Variants in GLT1D1 observed in about 807,000 individuals in gnomAD.
GLT1D1 encodes the protein glycosyltransferase 1 domain containing 1, also known as glycosyltransferase 1 domain-containing protein 1.
A neutral mutation model predicts 28.7 loss-of-function variants in GLT1D1; 21 were observed. The ratio of observed to expected loss-of-function variants is 0.73; its 90% CI spans 0.52 to 1.05. The LOEUF is 1.05. Ranked by LOEUF, GLT1D1 falls within the 50% of genes least tolerant of loss-of-function variation. The pLI, the probability that GLT1D1 is intolerant of heterozygous loss-of-function variation, is 0.00. For synonymous variants in GLT1D1, 147 were observed against 124.8 expected (o/e 1.18, Z -1.19); for missense variants, 343 against 330.6 (o/e 1.04, Z -0.29).
chr12:128,906,621 C>T (rs921452429), intron 4 of GLT1D1, among the ~76,000 whole-genome samples: 3 of 150,990 alleles, frequency 2.0e-5, no homozygotes, highest in African/African-American at 7.3e-5. Context: ...TTATCAAATT[C>T]AAACAAAAAA....
chr12:128,869,445 T>C lies in GLT1D1; in HGVS notation c.69-6469T>C, dbSNP rs1956629735. Among the ~76,000 whole-genome samples the C allele has an allele frequency of 2.6e-5, 4 of 152,100 alleles. No homozygotes were observed. In the South Asian group the frequency reaches 8.3e-4, roughly 32 times the overall value. On this transcript the variant is annotated intron_variant, in intron 1 of 7. Transcript: ENST00000281703. ...TTGGCCTCCTAAAGTGCTGGGATTA[T>C]AGTTGTGAGTCACCATGCCCAGCCC...
At position 128,868,465 on chromosome 12, in the gene GLT1D1, C is replaced by T. The variant is rs79952271; in HGVS notation, c.69-7449C>T. On this transcript the variant is annotated intron_variant, in intron 1 of 7. Coordinates refer to ENST00000281703, the MANE Select transcript of GLT1D1 (RefSeq NM_144669.3). ...CTAGAGGCAACACCCCGCCCAAAAG[C>T]GTCACTCGTCCGTATGGAGAAGGGA... Among the ~76,000 whole-genome samples, 265 of 152,310 alleles carry T rather than the reference C, an allele frequency of 1.7e-3. 9 individuals carry two copies. In the East Asian group the frequency reaches 0.047, roughly 27 times the overall value.
intron 2 of GLT1D1, among the ~76,000 whole-genome samples, chr12:128,882,620 G>C (rs1374244087): frequency 1.3e-5 from 2 of 152,052 alleles, no homozygotes; most frequent in Non-Finnish European, 2.9e-5. Flanking sequence ...CATTCCTTAA[G>C]GTATGGACCA....
chr12:128,959,829 A>AT (rs374339666), intron 7 of GLT1D1, among the ~76,000 whole-genome samples: 36 of 149,992 alleles, frequency 2.4e-4, no homozygotes, highest in South Asian at 4.2e-4. Context: ...GTGTTCTGGG[A>AT]TTTTTTTTTT....
intron 4 of GLT1D1, among the ~76,000 whole-genome samples, chr12:128,928,257 A>G (rs1206315412): frequency 6.6e-6 from 1 of 152,058 alleles, no homozygotes; most frequent in Admixed American, 6.6e-5. Flanking sequence ...GAAAATGAGT[A>G]TCTGTAAATC....
At chr12:128,964,070 A>C (rs978334649) in intron 7 of GLT1D1, among the ~76,000 whole-genome samples, 1 of 152,192 alleles carries the variant, frequency 6.6e-6, no homozygotes, top group African/African-American at 2.4e-5. Context: ...AAGGGCCGAG[A>C]CAGCTCTCTG....
At chr12:128,882,638 T>C (rs549571717) in intron 2 of GLT1D1, among the ~76,000 whole-genome samples, 17 of 152,306 alleles carry the variant, frequency 1.1e-4, no homozygotes, top group African/African-American at 4.1e-4. Flanking sequence ...CCAATTATTA[T>C]ATGAACGTCA....
intron 1 of GLT1D1, among the ~76,000 whole-genome samples, chr12:128,867,709 C>G (rs1214228254): frequency 6.6e-6 from 1 of 152,164 alleles, no homozygotes; most frequent in Non-Finnish European, 1.5e-5. Flanking sequence ...TGGCGTTGTT[C>G]CAGATGCTCA....
intron 7 of GLT1D1, among the ~76,000 whole-genome samples, chr12:128,976,770 GT>G (rs888402919): frequency 6.6e-6 from 1 of 152,170 alleles, no homozygotes; most frequent in African/African-American, 2.4e-5. Context: ...TCGTGGAGGA[GT>G]TTTTTTCCCC....
chr12:128,887,903 G>A (rs75403352), intron 2 of GLT1D1, among the ~76,000 whole-genome samples: 1,965 of 152,110 alleles, frequency 0.013, 44 homozygotes, highest in African/African-American at 0.045. Context: ...GAGTCCTTTC[G>A]GGGAGTCGCT....
chr12:128,881,465 T>C (rs1400122291), intron 2 of GLT1D1, among the ~76,000 whole-genome samples: 1 of 131,158 alleles, frequency 7.6e-6, no homozygotes, highest in Non-Finnish European at 1.6e-5. Context: ...ACCCAGGAGG[T>C]GAACGTTGCA....
At chr12:128,974,331 C>T (rs1879554674) in intron 7 of GLT1D1, among the ~76,000 whole-genome samples, 1 of 152,150 alleles carries the variant, frequency 6.6e-6, no homozygotes, top group Admixed American at 6.5e-5. Flanking sequence ...CCTCCTACCC[C>T]AGCCACAGCA....
intron 4 of GLT1D1, chr12:128,944,808 A>C: frequency 4.4e-6 from 1 of 227,554 alleles, no homozygotes; most frequent in Non-Finnish European, 8.8e-6. Context: ...ATATATATGT[A>C]TATATATATA....
intron 7 of GLT1D1, among the ~76,000 whole-genome samples, chr12:128,958,544 C>T (rs1490894679): frequency 2.1e-5 from 3 of 140,174 alleles, no homozygotes; most frequent in African/African-American, 8.1e-5. Context: ...AGTTTGAGAC[C>T]AGCCTGGGCA....
intron 4 of GLT1D1, among the ~76,000 whole-genome samples, chr12:128,935,744 G>A (rs1414227381): frequency 6.6e-6 from 1 of 152,092 alleles, no homozygotes; most frequent in Non-Finnish European, 1.5e-5. Context: ...GGGACTGCAG[G>A]CTTGTGCCAC....
At chr12:128,899,397 T>C in intron 4 of GLT1D1, 110 bp downstream of exon 4, 1 of 873,576 alleles carries the variant, frequency 1.1e-6, no homozygotes, top group Admixed American at 1.7e-5. Flanking sequence ...ACGGTGCCTG[T>C]TGCGGCCACA....
intron 7 of GLT1D1, among the ~76,000 whole-genome samples, chr12:128,972,720 C>T (rs574554883): frequency 6.7e-4 from 102 of 152,286 alleles, no homozygotes; most frequent in African/African-American, 2.3e-3. Context: ...GAGTTAACTT[C>T]CTCAAGGCCC....
At chr12:128,853,800 G>C (rs1289238680) in intron 1 of GLT1D1, 151 bp downstream of exon 1, 5 of 437,112 alleles carry the variant, frequency 1.1e-5, no homozygotes, top group Non-Finnish European at 1.6e-5. Flanking sequence ...GGCCGGTGCC[G>C]CCTGCCGGGC....
At chr12:128,900,995 A>G (rs1870193924) in intron 4 of GLT1D1, among the ~76,000 whole-genome samples, 1 of 152,122 alleles carries the variant, frequency 6.6e-6, no homozygotes, top group Admixed American at 6.5e-5. Context: ...GGTTACCAAA[A>G]TGGGGTCCCT....
Sources: gnomAD v4.1 joint callset for allele counts (sites outside exome capture counted in the v4.1 genomes callset) on GRCh38, gnomAD v4.1.1 for gene constraint, MANE v1.5 for transcripts, NCBI Gene and HGNC (gene_info 2026-07-23, HGNC 2026-07-21) for gene names.